Variants in LHFPL6 observed in about 807,000 individuals in gnomAD.
LHFPL6 encodes LHFPL tetraspan subfamily member 6 protein.
In LHFPL6, 9 loss-of-function variants were observed where a neutral mutation model predicts 20.6. That is an observed-to-expected ratio of 0.44 (90% CI 0.26 to 0.76). The LOEUF (loss-of-function observed/expected upper bound fraction) is 0.76. Among genes scored for constraint, LHFPL6 ranks in the 30% least tolerant of loss-of-function variants. LHFPL6 has a pLI of 0.20. For synonymous variants in LHFPL6, 105 were observed against 98.7 expected (o/e 1.06, Z -0.38); for missense variants, 218 against 253.5 (o/e 0.86, Z 0.95).
intron 2 of LHFPL6, 91 bp from the exon 3 acceptor site, chr13:39,378,617 A>C (rs1593291205): frequency 2.2e-6 from 2 of 928,692 alleles, no homozygotes; most frequent in Middle Eastern, 2.2e-4. Flanking sequence ...ATATAACAAG[A>C]CCATAGCGTC....
At chr13:39,581,244 T>C (rs1872272812) in intron 2 of LHFPL6, among the ~76,000 whole-genome samples, 1 of 152,204 alleles carries the variant, frequency 6.6e-6, no homozygotes, top group Non-Finnish European at 1.5e-5. Flanking sequence ...CTGCCTCATC[T>C]GGACTGCAAG....
At chr13:39,349,339 T>C (rs112838782) in intron 3 of LHFPL6, among the ~76,000 whole-genome samples, 6,562 of 152,194 alleles carry the variant, frequency 0.043, 160 homozygotes, top group Non-Finnish European at 0.05. Flanking sequence ...AGAAAAATGG[T>C]CAAGATCAGT....
intron 2 of LHFPL6, among the ~76,000 whole-genome samples, chr13:39,433,048 T>C (rs1388889576): frequency 1.3e-5 from 2 of 152,222 alleles, no homozygotes; most frequent in Non-Finnish European, 2.9e-5. Flanking sequence ...ATCCAGTCAC[T>C]AGATCTTGCC....
intron 2 of LHFPL6, among the ~76,000 whole-genome samples, chr13:39,568,446 A>G (rs1425233706): frequency 6.6e-6 from 1 of 152,172 alleles, no homozygotes; most frequent in Admixed American, 6.5e-5. Flanking sequence ...ATCCATTTCA[A>G]TTTAGTATAT....
At chr13:39,364,759 C>T (rs1593286366) in intron 3 of LHFPL6, among the ~76,000 whole-genome samples, 1 of 152,058 alleles carries the variant, frequency 6.6e-6, no homozygotes, top group Non-Finnish European at 1.5e-5. Context: ...CACCCTTCAA[C>T]CCCCCACCCA....
At chr13:39,428,867 C>T (rs888415211) in intron 2 of LHFPL6, among the ~76,000 whole-genome samples, 17 of 152,144 alleles carry the variant, frequency 1.1e-4, no homozygotes, top group African/African-American at 4.1e-4. Flanking sequence ...ATGTATTTCT[C>T]TTTATTTTCA....
intron 2 of LHFPL6, among the ~76,000 whole-genome samples, chr13:39,448,690 A>G (rs939142379): frequency 6.6e-6 from 1 of 152,250 alleles, no homozygotes; most frequent in Non-Finnish European, 1.5e-5. Flanking sequence ...ACCATCATTC[A>G]TGAGAGAACT....
chr13:39,589,469 C>T (rs895118025), intron 2 of LHFPL6, among the ~76,000 whole-genome samples: 9 of 152,072 alleles, frequency 5.9e-5, no homozygotes, highest in Non-Finnish European at 1.3e-4. Context: ...ATATTAATGA[C>T]CAGAACTGAG....
At chr13:39,567,625 C>T (rs1871769170) in intron 2 of LHFPL6, among the ~76,000 whole-genome samples, 2 of 151,908 alleles carry the variant, frequency 1.3e-5, no homozygotes, top group African/African-American at 4.9e-5. Flanking sequence ...CTCCTCTTCC[C>T]TCTCCTCCTT....
intron 2 of LHFPL6, among the ~76,000 whole-genome samples, chr13:39,508,184 C>A (rs1035718638): frequency 1.3e-5 from 2 of 152,002 alleles, no homozygotes; most frequent in South Asian, 2.1e-4. Context: ...ACAACCACGC[C>A]TGGCTAATTT....
chr13:39,529,753 T>G (rs1221295392), intron 2 of LHFPL6, among the ~76,000 whole-genome samples: 3 of 152,238 alleles, frequency 2.0e-5, no homozygotes, highest in African/African-American at 7.2e-5. Flanking sequence ...CTACTTGCAC[T>G]TTTGCTGTTT....
At chr13:39,562,759 CT>C (rs1389580609) in intron 2 of LHFPL6, among the ~76,000 whole-genome samples, 1 of 150,784 alleles carries the variant, frequency 6.6e-6, no homozygotes, top group African/African-American at 2.4e-5. Context: ...AGGAACGGCA[CT>C]TTACCCAACC....
intron 2 of LHFPL6, among the ~76,000 whole-genome samples, chr13:39,486,860 TGTC>T (rs1868743765): frequency 6.6e-6 from 1 of 152,262 alleles, no homozygotes; most frequent in Non-Finnish European, 1.5e-5. Context: ...ATTGAAATTG[TGTC>T]TTTGCTTATG....
intron 2 of LHFPL6, among the ~76,000 whole-genome samples, chr13:39,445,334 G>T (rs903046190): frequency 6.6e-6 from 1 of 152,064 alleles, no homozygotes; most frequent in Non-Finnish European, 1.5e-5. Context: ...CATGAATTTG[G>T]GGCTTTAACA....
chr13:39,491,764 T>C (rs548268700), intron 2 of LHFPL6, among the ~76,000 whole-genome samples: 47 of 152,344 alleles, frequency 3.1e-4, no homozygotes, highest in African/African-American at 1.1e-3. Context: ...ACTTGAAGTA[T>C]GGCTAGTTCA....
At chr13:39,406,706 A>G (rs564649541) in intron 2 of LHFPL6, among the ~76,000 whole-genome samples, 11 of 152,372 alleles carry the variant, frequency 7.2e-5, no homozygotes, top group African/African-American at 2.6e-4. Context: ...AAATACTCAT[A>G]CATTAAAATG....
intron 2 of LHFPL6, among the ~76,000 whole-genome samples, chr13:39,494,879 A>G (rs946745435): frequency 2.0e-4 from 30 of 152,160 alleles, no homozygotes; most frequent in African/African-American, 6.8e-4. Flanking sequence ...ATTAGTTCAG[A>G]ATTTTCCATT....
intron 1 of LHFPL6, among the ~76,000 whole-genome samples, chr13:39,601,811 T>G (rs1191043976): frequency 6.6e-6 from 1 of 152,218 alleles, no homozygotes; most frequent in African/African-American, 2.4e-5. Flanking sequence ...AACTTTTCTA[T>G]GTCCCTTTAA....
chr13:39,453,427 C>A (rs1218937942), intron 2 of LHFPL6, among the ~76,000 whole-genome samples: 1 of 152,186 alleles, frequency 6.6e-6, no homozygotes, highest in African/African-American at 2.4e-5. Flanking sequence ...TTAACTCATG[C>A]AGTACCTTTT....
Sources: gnomAD v4.1 joint callset for allele counts (sites outside exome capture counted in the v4.1 genomes callset) on GRCh38, gnomAD v4.1.1 for gene constraint, MANE v1.5 for transcripts, NCBI Gene and HGNC (gene_info 2026-07-23, HGNC 2026-07-21) for gene names.